The following ATP12A variants were observed in gnomAD, a reference collection of about 807,000 sequenced individuals.
The protein encoded by ATP12A is potassium-transporting ATPase alpha chain 2.
In ATP12A, 81 loss-of-function variants were observed where a neutral mutation model predicts 111.2. That is an observed-to-expected ratio of 0.73 (90% confidence interval 0.61 to 0.88). The LOEUF is 0.88. ATP12A is among the 40% of genes least tolerant of loss of function. The pLI is 0.00. For synonymous variants in ATP12A, 498 were observed against 499.8 expected (o/e 1.00, Z 0.05); for missense variants, 1,196 against 1,313.1 (o/e 0.91, Z 1.38).
chr13:24,700,869 C>T lies in ATP12A; in HGVS notation c.1828C>T (p.Pro610Ser). 9 of 1,614,158 alleles carry T rather than the reference C, an allele frequency of 5.6e-6. No individual in the cohort carries two copies. Among genetic ancestry groups the T allele is most frequent in the Non-Finnish European group, 7.6e-6 (9 of 1,180,022 alleles). Residue 610 changes from proline to serine, a missense_variant, in exon 13 of 23, where the codon CCT (proline) becomes TCT (serine). Transcript: ENST00000381946. ...GGGACTCTTGTCAATGATCGATCCC[C>T]CTCGGTCCACCGTGCCAGATGCAGT... ...FVGLLSMIDP[P>S]RSTVPDAVTK... is the part of the protein sequence containing the mutation.
chr13:24,707,546 T>A, intron 17 of ATP12A, 113 bp downstream of exon 17: 6 of 1,384,634 alleles, frequency 4.3e-6, no homozygotes, highest in Non-Finnish European at 6.0e-6. Context: ...TCAGCTTCCA[T>A]GTGATGGGGC....
chr13:24,690,511 C>T (rs896395742), intron 6 of ATP12A, 39 bp downstream of exon 6: 4 of 1,609,836 alleles, frequency 2.5e-6, no homozygotes, highest in Middle Eastern at 1.7e-4. Context: ...GACCATGTTC[C>T]AAACCTGCTG....
At chr13:24,680,850 G>GA in intron 1 of ATP12A, 98 bp downstream of exon 1, 1 of 1,395,748 alleles carries the variant, frequency 7.2e-7, no homozygotes, top group South Asian at 1.6e-5. Flanking sequence ...AGGCGAAGAG[G>GA]AGAAACGCCC....
intron 19 of ATP12A, among the ~76,000 whole-genome samples, 198 bp from the exon 20 acceptor site, chr13:24,710,262 A>T (rs1875904120): frequency 6.6e-6 from 1 of 152,190 alleles, no homozygotes; most frequent in Non-Finnish European, 1.5e-5. Flanking sequence ...AGTAATGATA[A>T]TTTTTTAAAA....
chr13:24,682,401 ATG>A (rs570199955), intron 2 of ATP12A, among the ~76,000 whole-genome samples: 5 of 131,202 alleles, frequency 3.8e-5, no homozygotes, highest in South Asian at 2.5e-4. Context: ...TGGTGTGTGT[ATG>A]TGTGTGTGTG....
chr13:24,689,350 C>G lies in ATP12A; in HGVS notation c.521C>G (p.Ser174Cys). ...GAGGCAAAAAGCACCAACATCATGT[C>G]CAGCTTCAATAAGATGATCCCTCAG... ...YQEAKSTNIM[S>C]SFNKMIPQQA... Residue 174 changes from serine (S) to cysteine (C), a missense_variant, in exon 5 of 23, where the codon TCC becomes TGC. This residue lies in a region of ATP12A where 1,126 missense variants were observed against 1,228.5 expected (regional missense o/e 0.92). Coordinates refer to ENST00000381946, the MANE Select transcript of ATP12A (RefSeq NM_001676.7). 6.2e-7 allele frequency: 1 copy of G among 1,614,078 alleles called. No homozygotes were observed. The highest frequency in any genetic ancestry group is 1.1e-5 in the South Asian group (1 of 91,084).
chr13:24,707,287 A>G lies in ATP12A; in HGVS notation c.2347A>G (p.Ile783Val). Residue 783 changes from isoleucine (I) to valine (V), a missense_variant, in exon 17 of 23, where the codon ATC becomes GTC. Ile to Val is a conservative substitution (Grantham distance 29). Coordinates refer to ENST00000381946, the MANE Select transcript of ATP12A (RefSeq NM_001676.7). The part of the protein sequence containing the change: ...IVTGVEEGRL[I>V]FDNLKKTIAY... ...GAAACCTCTCTGCCTAGGTCGCCTG[A>G]TCTTTGACAACCTCAAGAAGACTAT... 6.2e-7 allele frequency: 1 copy of G among 1,614,170 alleles called. No homozygotes were observed.
At chr13:24,682,110 GT>G (rs879473079) in intron 2 of ATP12A, among the ~76,000 whole-genome samples, 12,005 of 125,656 alleles carry the variant, frequency 0.096, 1,127 homozygotes, top group South Asian at 0.12. Context: ...TGTGTGTGAT[GT>G]GTGTGTGGTG....
At chr13:24,695,241 G>A (rs562728482) in intron 11 of ATP12A, among the ~76,000 whole-genome samples, 27 of 152,370 alleles carry the variant, frequency 1.8e-4, no homozygotes, top group African/African-American at 6.5e-4. Flanking sequence ...GGAGACCGGT[G>A]AGCAGCCCCT....
At position 24,685,227 on chromosome 13, in the gene ATP12A, T is replaced by G. The variant is rs1462807088; in HGVS notation, c.169-87T>G. On this transcript the variant is annotated intron_variant, in intron 2 of 22. Transcript: ENST00000381946. The surrounding 1 kb of genome is among the most constrained non-coding windows in gnomAD (Gnocchi z 5.5). ...CCCCTCCCATCCTCAGGGCTGCTAC[T>G]CCCAGCTTCCATGGCTGGTCAAAGC... 7.6e-7 allele frequency: 1 copy of G among 1,307,974 alleles called. No individual in the cohort carries two copies. The highest frequency in any genetic ancestry group is 1.1e-6 in the Non-Finnish European group (1 of 902,956). The allele number at this position is 1,307,974 out of a possible 1,614,324, so 81.0% of individuals were successfully genotyped here.
intron 14 of ATP12A, among the ~76,000 whole-genome samples, chr13:24,703,863 G>A (rs1351603102): frequency 2.0e-5 from 3 of 147,276 alleles, no homozygotes; most frequent in Admixed American, 2.0e-4. Context: ...TTTTGAGATG[G>A]AGTCTTTCTC....
chr13:24,710,460 AC>A lies in ATP12A; in HGVS notation c.2765del (p.Thr922LysfsTer8). Reference sequence around the variant, plus strand: ...CTCTTCCTTCTCTGCCCATTAACAGACAAGGTACCAGAGGGAATACCTAGAA... The same window carrying A: ...CTCTTCCTTCTCTGCCCATTAACAGAAAGGTACCAGAGGGAATACCTAGAA... Reference protein sequence around the residue: ...DLKDSYGQEWTRYQREYLEWT... With the variant: ...DLKDSYGQEWXRYQREYLEWT... On this transcript the variant is annotated frameshift_variant and splice_region_variant, in exon 20 of 23. Transcript: ENST00000381946. LOFTEE classifies it high-confidence loss of function. 6.2e-7 allele frequency: 1 copy of A among 1,613,998 alleles called. No individual in the cohort carries two copies. The highest frequency in any genetic ancestry group is 8.5e-7 in the Non-Finnish European group (1 of 1,179,958).
chr13:24,683,107 C>T (rs535252855), intron 2 of ATP12A, among the ~76,000 whole-genome samples: 1 of 152,100 alleles, frequency 6.6e-6, no homozygotes, highest in Non-Finnish European at 1.5e-5. Flanking sequence ...CAGGCGCCCG[C>T]CATCACACCC....
chr13:24,680,879 G>A (rs1403173089), intron 1 of ATP12A, 127 bp downstream of exon 1: 1 of 1,356,882 alleles, frequency 7.4e-7, no homozygotes, highest in African/African-American at 1.5e-5. Flanking sequence ...GGCAAGGGGA[G>A]GCCGCCTTTC....
chr13:24,703,361 G>T (rs1009982808), intron 14 of ATP12A, among the ~76,000 whole-genome samples: 10 of 152,072 alleles, frequency 6.6e-5, no homozygotes, highest in Admixed American at 2.6e-4. Flanking sequence ...TCCTGCCTCA[G>T]CCTCCTGAAT....
chr13:24,711,485 C>T lies in ATP12A; in HGVS notation c.3092-9C>T. Reference sequence around the variant, plus strand: ...TCCATTTCTGATGTACTTTTTTCTACCTCTACAGGCTGGTGGGATAAGAAC... The same window carrying T: ...TCCATTTCTGATGTACTTTTTTCTATCTCTACAGGCTGGTGGGATAAGAAC... On this transcript the variant is annotated splice_polypyrimidine_tract_variant and intron_variant, in intron 22 of 22. Coordinates refer to ENST00000381946, the MANE Select transcript of ATP12A (RefSeq NM_001676.7). The T allele has an allele frequency of 6.2e-7, 1 of 1,614,164 alleles. No homozygotes were observed. Among genetic ancestry groups the T allele is most frequent in the Non-Finnish European group, 8.5e-7 (1 of 1,180,034 alleles).
rs760696856 is a variant in ATP12A at position 24,698,727 on chromosome 13, C to A, written c.1582C>A (p.Arg528Ser). The A allele has an allele frequency of 1.9e-6, 3 of 1,614,028 alleles. No homozygotes were observed. Among genetic ancestry groups the A allele is most frequent in the African/African-American group, 2.7e-5 (2 of 75,044 alleles). Residue 528 changes from arginine to serine, a missense_variant, in exon 12 of 23, where the codon CGC becomes AGC. By Grantham distance (110) the Arg-to-Ser change is moderately radical. Around this residue, in one of 3 missense-constraint regions of ATP12A, gnomAD observed 1,126 missense variants for 1,228.5 expected, o/e 0.92. Coordinates refer to ENST00000381946, the MANE Select transcript of ATP12A (RefSeq NM_001676.7). ...CATGGTGATGAAGGGGGCCCCTGAG[C>A]GCATCCTAGAGAAATGCAGCACCAT... is the stretch of plus-strand genomic sequence containing the variant. ...FLMVMKGAPERILEKCSTIMI... is the reference protein window; with the variant it reads ...FLMVMKGAPESILEKCSTIMI...
At chr13:24,693,017 G>A (rs1874979577) in intron 10 of ATP12A, 121 bp downstream of exon 10, 2 of 890,398 alleles carry the variant, frequency 2.2e-6, no homozygotes, top group Admixed American at 2.4e-5. Context: ...GCTTGCAAGA[G>A]CAAGTCAGAC....
intron 2 of ATP12A, among the ~76,000 whole-genome samples, chr13:24,682,120 TGTG>T (rs1566068005): frequency 9.8e-6 from 1 of 101,670 alleles, no homozygotes. Flanking sequence ...GTGTGTGTGG[TGTG>T]TGTGTGTGGT....
Sources: gnomAD v4.1 joint callset for allele counts (sites outside exome capture counted in the v4.1 genomes callset) on GRCh38, gnomAD v4.1.1 for gene constraint, gnomAD v4.1.1 regional missense constraint, Gnocchi (gnomAD v3.1) non-coding constraint, MANE v1.5 for transcripts, NCBI Gene and HGNC (gene_info 2026-07-23, HGNC 2026-07-21) for gene names.